Variants in ZDHHC3 observed in about 807,000 individuals in gnomAD.
ZDHHC3 encodes zDHHC palmitoyltransferase 3.
In ZDHHC3, 9 loss-of-function variants were observed where a neutral mutation model predicts 30.6. The ratio of observed to expected loss-of-function variants is 0.29; its 90% confidence interval spans 0.18 to 0.51. The LOEUF is 0.51. Ranked by LOEUF, ZDHHC3 falls within the 20% of genes least tolerant of loss-of-function variation. ZDHHC3 has a pLI of 0.97. For missense variants in ZDHHC3, 246 were observed against 384.2 expected, an observed-to-expected ratio of 0.64 and a Z score of 3.01; for synonymous variants, 136 against 140.2, an observed-to-expected ratio of 0.97 and a Z score of 0.21.
intron 3 of ZDHHC3, among the ~76,000 whole-genome samples, chr3:44,940,298 A>G (rs1398168980): frequency 2.0e-5 from 3 of 152,090 alleles, no homozygotes; most frequent in Admixed American, 6.5e-5. Flanking sequence ...CAGCCCAAAC[A>G]CAAGGCCAAG....
At chr3:44,939,484 C>T (rs953912228) in intron 3 of ZDHHC3, among the ~76,000 whole-genome samples, 2 of 152,242 alleles carry the variant, frequency 1.3e-5, no homozygotes, top group African/African-American at 2.4e-5. Flanking sequence ...ACCAGCACCT[C>T]TGGGTTTCTT....
chr3:44,936,016 T>C (rs1701933465), intron 3 of ZDHHC3, among the ~76,000 whole-genome samples: 1 of 152,206 alleles, frequency 6.6e-6, no homozygotes. Flanking sequence ...AAATGGGATC[T>C]ACTTAAACTA....
At chr3:44,955,003 A>G (rs1047514826) in intron 2 of ZDHHC3, among the ~76,000 whole-genome samples, 5 of 152,226 alleles carry the variant, frequency 3.3e-5, no homozygotes, top group African/African-American at 4.8e-5. Flanking sequence ...ATAAACGTCT[A>G]AAGTGTTTCC....
Position 44,917,556 on chromosome 3 carries a change from T to C in ZDHHC3, c.*9133A>G, listed in dbSNP as rs1700264625. 2 of 218,880 alleles carry C rather than the reference T, an allele frequency of 9.1e-6. No individual in the cohort carries two copies. Among genetic ancestry groups the C allele is most frequent in the Non-Finnish European group, 1.9e-5 (2 of 107,676 alleles). The allele number at this position is 218,880 out of a possible 1,614,324, so 13.6% of individuals were successfully genotyped here. On this transcript the variant is annotated 3_prime_UTR_variant, in exon 7 of 7. Transcript: ENST00000424952. ...CCAAAGGCAAGCTCTTTTCTGCCCC[T>C]GGGATGCCCTGTTCAAAAGCTCCCT...
In ZDHHC3 at chr3:44,915,933, G is replaced by A. The variant is rs888729638; in HGVS notation, c.*10756C>T. The A allele has an allele frequency of 6.6e-6, 1 of 152,248 alleles. No homozygotes were observed. Among genetic ancestry groups the A allele is most frequent in the African/African-American group, 2.4e-5 (1 of 41,456 alleles). The allele number at this position is 152,248 out of a possible 1,614,324, so 9.4% of individuals were successfully genotyped here. A position where few individuals can be genotyped will look rare whatever the true frequency, so the allele number is the denominator to read the frequency against. ...CCATCCACCATCCTGGCAGCCCAGA[G>A]CTGCTTCTGGGTTAGGACAACAAAT... is the stretch of plus-strand genomic sequence containing the variant. On this transcript the variant is annotated 3_prime_UTR_variant, in exon 7 of 7. Transcript: ENST00000424952.
chr3:44,951,185 C>T (rs1357182679), intron 2 of ZDHHC3, among the ~76,000 whole-genome samples: 1 of 152,176 alleles, frequency 6.6e-6, no homozygotes, highest in Non-Finnish European at 1.5e-5. Flanking sequence ...AAGCAGATCA[C>T]AAAGCTTCCA....
At chr3:44,964,824 T>G (rs943925971) in intron 1 of ZDHHC3, among the ~76,000 whole-genome samples, 12 of 152,248 alleles carry the variant, frequency 7.9e-5, no homozygotes, top group African/African-American at 2.9e-4. Context: ...TATAGTAATC[T>G]ATATTGAAGT....
In ZDHHC3 at chr3:44,926,382, G is replaced by T. The variant is rs551507802; in HGVS notation, c.*307C>A. On this transcript the variant is annotated 3_prime_UTR_variant, in exon 7 of 7. Coordinates refer to ENST00000424952, the MANE Select transcript of ZDHHC3 (RefSeq NM_001135179.2). ...TCAGTTAGTAGAATGGGCACAGCGC[G>T]AGACAGCGCCCTCTACATTAGTCAT... 2.3e-5 allele frequency: 25 copies of T among 1,085,738 alleles called. No individual in the cohort carries two copies. The highest frequency in any genetic ancestry group is 2.8e-5 in the Non-Finnish European group (25 of 895,168). 67.3% of individuals were successfully genotyped at this position (1,085,738 alleles called of 1,614,324 possible).
At chr3:44,946,146 T>C (rs1404149586) in intron 2 of ZDHHC3, among the ~76,000 whole-genome samples, 1 of 152,232 alleles carries the variant, frequency 6.6e-6, no homozygotes, top group Non-Finnish European at 1.5e-5. Context: ...AGTGGTATTG[T>C]TATGAATAAT....
rs1700829475 is a variant in ZDHHC3, at chr3:44,924,438, T to C, written c.*2251A>G. 1.0e-6 allele frequency: 1 copy of C among 985,340 alleles called. No homozygotes were observed. The highest frequency in any genetic ancestry group is 1.7e-5 in the African/African-American group (1 of 57,240). The allele number at this position is 985,340 out of a possible 1,614,324, so 61.0% of individuals were successfully genotyped here. A position where few individuals can be genotyped will look rare whatever the true frequency, so the allele number is the denominator to read the frequency against. On this transcript the variant is annotated 3_prime_UTR_variant, in exon 7 of 7. Transcript: ENST00000424952. Reference sequence around the variant, plus strand: ...TTTGAGAGCTCAGAAACATTGACTCTTTCTAGCCAAGGCCTATACAAAACC... The same window carrying C: ...TTTGAGAGCTCAGAAACATTGACTCCTTCTAGCCAAGGCCTATACAAAACC...
At chr3:44,933,253 C>G in intron 4 of ZDHHC3, 54 bp from the exon 5 acceptor site, 1 of 1,553,620 alleles carries the variant, frequency 6.4e-7, no homozygotes, top group Non-Finnish European at 8.9e-7. Context: ...TCTGACCTCA[C>G]GGGCTCCCGG....
At chr3:44,947,554 G>C (rs1703058677) in intron 2 of ZDHHC3, among the ~76,000 whole-genome samples, 1 of 152,232 alleles carries the variant, frequency 6.6e-6, no homozygotes, top group Non-Finnish European at 1.5e-5. Context: ...GGCTCAGATG[G>C]TACTGCCACA....
intron 2 of ZDHHC3, 119 bp from the exon 3 acceptor site, chr3:44,945,411 G>C: frequency 7.3e-7 from 1 of 1,379,004 alleles, no homozygotes; most frequent in Non-Finnish European, 1.0e-6. Flanking sequence ...AGGACACTTT[G>C]ATACCAACAA....
chr3:44,956,313 G>A (rs992615789), intron 2 of ZDHHC3, among the ~76,000 whole-genome samples: 1 of 152,134 alleles, frequency 6.6e-6, no homozygotes, highest in Non-Finnish European at 1.5e-5. Context: ...ACTATCTACT[G>A]CCCACCTAGC....
Position 44,923,730 on chromosome 3 carries a change from G to A in ZDHHC3, c.*2959C>T. ...AGGCACAAGAATCACTTGAGCCCAG[G>A]AGTTCAAGGCTGCAGTGAGCTCTAA... On this transcript the variant is annotated 3_prime_UTR_variant, in exon 7 of 7. Transcript: ENST00000424952. 2 of 882,480 alleles carry A rather than the reference G, an allele frequency of 2.3e-6. No individual in the cohort carries two copies. The highest frequency in any genetic ancestry group is 1.4e-6 in the Non-Finnish European group (1 of 736,292). The allele number at this position is 882,480 out of a possible 1,614,324, so 54.7% of individuals were successfully genotyped here.
chr3:44,943,870 C>T (rs909224587), intron 3 of ZDHHC3, among the ~76,000 whole-genome samples: 1 of 152,080 alleles, frequency 6.6e-6, no homozygotes, highest in Non-Finnish European at 1.5e-5. Flanking sequence ...TGCCTGTAGT[C>T]CCAGCTGCTC....
At chr3:44,971,089 T>A (rs72864805) in intron 1 of ZDHHC3, among the ~76,000 whole-genome samples, 1 of 152,210 alleles carries the variant, frequency 6.6e-6, no homozygotes, top group Admixed American at 6.5e-5. Flanking sequence ...ATTTCTTGGT[T>A]TAGAAACATA....
chr3:44,919,848 T>A lies in ZDHHC3; in HGVS notation c.*6841A>T. 1 of 1,005,706 alleles carries A rather than the reference T, an allele frequency of 9.9e-7. No homozygotes were observed. Among genetic ancestry groups the A allele is most frequent in the East Asian group, 9.4e-5 (1 of 10,634 alleles). 62.3% of individuals were successfully genotyped at this position (1,005,706 alleles called of 1,614,324 possible). A position where few individuals can be genotyped will look rare whatever the true frequency, so the allele number is the denominator to read the frequency against. ...TGTAAGTCTGATTTCACAAAAAGTT[T>A]AAAAATAATCAATAATCTGAGACAA... On this transcript the variant is annotated 3_prime_UTR_variant, in exon 7 of 7. Coordinates refer to ENST00000424952, the MANE Select transcript of ZDHHC3 (RefSeq NM_001135179.2).
intron 6 of ZDHHC3, among the ~76,000 whole-genome samples, chr3:44,927,751 C>T (rs994527253): frequency 7.9e-5 from 12 of 152,228 alleles, no homozygotes; most frequent in African/African-American, 1.2e-4. Flanking sequence ...GGCTTGAGAA[C>T]GGGGCCCCTG....
Sources: gnomAD v4.1 joint callset for allele counts (sites outside exome capture counted in the v4.1 genomes callset) on GRCh38, gnomAD v4.1.1 for gene constraint, MANE v1.5 for transcripts, NCBI Gene and HGNC (gene_info 2026-07-23, HGNC 2026-07-21) for gene names.